The following CPVL variants were observed in gnomAD, a reference collection of about 807,000 sequenced individuals.
CPVL encodes carboxypeptidase vitellogenic like, also known as probable serine carboxypeptidase CPVL.
Under a neutral mutation model 63.7 loss-of-function variants are expected in CPVL, and 51 were observed. The ratio of observed to expected loss-of-function variants is 0.80; its 90% CI spans 0.64 to 1.01. CPVL has a LOEUF of 1.01. CPVL is among the 50% of genes least tolerant of loss of function. The pLI is 0.00. For synonymous variants in CPVL, 195 were observed against 206.0 expected, an observed-to-expected ratio of 0.95 and a Z score of 0.46; for missense variants, 530 against 573.1, an observed-to-expected ratio of 0.92 and a Z score of 0.77.
intron 12 of CPVL, among the ~76,000 whole-genome samples, chr7:29,015,726 C>T (rs1276814836): frequency 6.6e-6 from 1 of 152,170 alleles, no homozygotes; most frequent in Admixed American, 6.5e-5. Flanking sequence ...CTAGATCCGG[C>T]TACAGTTCAT....
At chr7:29,038,293 T>G (rs1284692165) in intron 11 of CPVL, among the ~76,000 whole-genome samples, 1 of 152,072 alleles carries the variant, frequency 6.6e-6, no homozygotes, top group Non-Finnish European at 1.5e-5. Flanking sequence ...ATGAATGGAA[T>G]TAGTGCCCCT....
At chr7:29,007,145 C>T (rs1785274900) in intron 12 of CPVL, among the ~76,000 whole-genome samples, 1 of 152,094 alleles carries the variant, frequency 6.6e-6, no homozygotes. Context: ...GATTAAAAAC[C>T]ACTCAACAGC....
intron 1 of CPVL, among the ~76,000 whole-genome samples, chr7:29,191,048 C>T (rs1353094488): frequency 1.3e-5 from 2 of 152,088 alleles, no homozygotes; most frequent in South Asian, 2.1e-4. Context: ...AATTCTCCCC[C>T]CTCAGCCTCC....
intron 5 of CPVL, among the ~76,000 whole-genome samples, chr7:29,159,026 T>C (rs1362593326): frequency 1.3e-5 from 2 of 152,224 alleles, no homozygotes; most frequent in Non-Finnish European, 2.9e-5. Flanking sequence ...TCAGGGAATC[T>C]GCTATCAGAG....
chr7:29,091,330 A>G (rs1785760705), intron 6 of CPVL, among the ~76,000 whole-genome samples: 1 of 151,992 alleles, frequency 6.6e-6, no homozygotes, highest in Admixed American at 6.6e-5. Flanking sequence ...CATCTCTTCA[A>G]TACAGAACCT....
At chr7:29,092,566 T>G in intron 6 of CPVL, 57 bp downstream of exon 6, 1 of 1,196,652 alleles carries the variant, frequency 8.4e-7, no homozygotes, top group Non-Finnish European at 1.2e-6. Flanking sequence ...AATTTTCCTA[T>G]TGAGATAGAA....
At chr7:29,039,760 A>G (rs1788888895) in intron 11 of CPVL, among the ~76,000 whole-genome samples, 1 of 152,204 alleles carries the variant, frequency 6.6e-6, no homozygotes. Flanking sequence ...TTACAGAAAT[A>G]CCAGAGAAGG....
chr7:29,116,952 T>G (rs1332727605), intron 2 of CPVL, among the ~76,000 whole-genome samples: 1 of 152,140 alleles, frequency 6.6e-6, no homozygotes, highest in Non-Finnish European at 1.5e-5. Context: ...TTTGACAGAC[T>G]CGATAAACAA....
At chr7:29,046,755 G>A (rs1789661862) in intron 11 of CPVL, among the ~76,000 whole-genome samples, 1 of 152,004 alleles carries the variant, frequency 6.6e-6, no homozygotes, top group Admixed American at 6.6e-5. Flanking sequence ...CGGGACCAGG[G>A]GACCTCTCCA....
At chr7:29,034,401 G>A (rs149716768) in intron 11 of CPVL, among the ~76,000 whole-genome samples, 15 of 152,114 alleles carry the variant, frequency 9.9e-5, no homozygotes, top group African/African-American at 3.6e-4. Flanking sequence ...ATGATCCACC[G>A]CACCTGGCCA....
chr7:29,090,842 A>G (rs1456502499), intron 6 of CPVL, among the ~76,000 whole-genome samples: 1 of 152,246 alleles, frequency 6.6e-6, no homozygotes, highest in Non-Finnish European at 1.5e-5. Flanking sequence ...GTCTCCTTAC[A>G]GCCATGCACT....
At chr7:29,042,804 G>C (rs751697638) in intron 11 of CPVL, among the ~76,000 whole-genome samples, 1 of 152,206 alleles carries the variant, frequency 6.6e-6, no homozygotes, top group Non-Finnish European at 1.5e-5. Flanking sequence ...CATCACAGGA[G>C]AAATGCTAAA....
At chr7:29,035,630 T>TC (rs5883183) in intron 11 of CPVL, among the ~76,000 whole-genome samples, 42,489 of 152,064 alleles carry the variant, frequency 0.28, 7,595 homozygotes, top group African/African-American at 0.51. Flanking sequence ...AAACAGGAGC[T>TC]CCCGAGTGCG....
chr7:29,011,983 G>C (rs547772127), intron 12 of CPVL: 1 of 152,148 alleles, frequency 6.6e-6, no homozygotes, highest in Non-Finnish European at 1.5e-5. Flanking sequence ...CATAATGAAA[G>C]GAAATGCTAT....
intron 11 of CPVL, among the ~76,000 whole-genome samples, chr7:29,046,204 C>A (rs966939375): frequency 2.0e-5 from 3 of 151,506 alleles, no homozygotes; most frequent in Non-Finnish European, 4.4e-5. Flanking sequence ...CCTGCCTCAA[C>A]CTCCCAAGTA....
chr7:29,009,437 A>T (rs1157486152), intron 12 of CPVL: 3 of 152,194 alleles, frequency 2.0e-5, no homozygotes, highest in Non-Finnish European at 4.4e-5. Flanking sequence ...ACAAGGAGAT[A>T]TGTGCAAAAA....
upstream of CPVL, among the ~76,000 whole-genome samples, chr7:29,149,190 T>C (rs1002120303): frequency 2.9e-3 from 11 of 3,768 alleles, no homozygotes; most frequent in South Asian, 0.074. Context: ...TCTGTTTCCC[T>C]TTTTTTTTTT....
chr7:29,123,183 A>AT (rs1386821229), intron 1 of CPVL, among the ~76,000 whole-genome samples: 1 of 152,192 alleles, frequency 6.6e-6, no homozygotes, highest in African/African-American at 2.4e-5. Context: ...CGACATGCTT[A>AT]TTACAACCCA....
At chr7:29,069,939 G>A (rs532778526) in intron 9 of CPVL, among the ~76,000 whole-genome samples, 66 of 152,030 alleles carry the variant, frequency 4.3e-4, no homozygotes, top group African/African-American at 1.5e-3. Context: ...CGTCAAACAG[G>A]CTTTATCATT....
Sources: allele counts gnomAD v4.1 joint callset (sites outside exome capture counted in the v4.1 genomes callset), GRCh38; gene constraint gnomAD v4.1.1; transcripts MANE v1.5; gene names NCBI Gene and HGNC (gene_info 2026-07-23, HGNC 2026-07-21).